Variants in PTPRD observed in about 807,000 individuals in gnomAD.
PTPRD encodes protein tyrosine phosphatase receptor type D, also known as receptor-type tyrosine-protein phosphatase delta.
Under a neutral mutation model 214.5 loss-of-function variants are expected in PTPRD, and 34 were observed. The observed-to-expected ratio is 0.16, with a 90% confidence interval of 0.12 to 0.21. The LOEUF (loss-of-function observed/expected upper bound fraction) is 0.21, where lower values mean the gene tolerates loss of function less well. Ranked by LOEUF, PTPRD falls within the 10% of genes least tolerant of loss-of-function variation. The probability of loss-of-function intolerance (pLI) is 1.00; values close to 1 mark genes in which losing one functional copy is unlikely to be tolerated. For synonymous variants in PTPRD, 1,128 were observed against 845.7 expected (o/e 1.33, Z -5.79); for missense variants, 2,545 against 2,398.7 (o/e 1.06, Z -1.27).
chr9:10,007,648 T>C (rs1259674354), intron 4 of PTPRD, among the ~76,000 whole-genome samples: 1 of 151,972 alleles, frequency 6.6e-6, no homozygotes, highest in African/African-American at 2.4e-5. Context: ...GAGAGAAATA[T>C]GAGAGAGGCA....
At chr9:9,779,604 A>T (rs942386884) in intron 5 of PTPRD, among the ~76,000 whole-genome samples, 7 of 152,334 alleles carry the variant, frequency 4.6e-5, no homozygotes, top group South Asian at 4.1e-4. Context: ...TATATAAAAA[A>T]TGCTCAACAT....
At chr9:10,428,297 ACT>A (rs2098643782) in intron 2 of PTPRD, among the ~76,000 whole-genome samples, 2 of 151,832 alleles carry the variant, frequency 1.3e-5, no homozygotes, top group South Asian at 4.2e-4. Flanking sequence ...ACAGAGCAAG[ACT>A]CTGTCTTGGG....
At chr9:10,273,765 C>G (rs1257490931) in intron 3 of PTPRD, among the ~76,000 whole-genome samples, 1 of 152,052 alleles carries the variant, frequency 6.6e-6, no homozygotes, top group Non-Finnish European at 1.5e-5. Context: ...TTAAATGTCA[C>G]AGTGTAGACT....
chr9:10,296,054 T>C (rs1339133990), intron 3 of PTPRD, among the ~76,000 whole-genome samples: 2 of 151,984 alleles, frequency 1.3e-5, no homozygotes, highest in Admixed American at 6.6e-5. Context: ...ACACAACTAT[T>C]TATCACCACT....
intron 2 of PTPRD, among the ~76,000 whole-genome samples, chr9:10,422,459 G>T (rs2098554280): frequency 6.6e-6 from 1 of 151,908 alleles, no homozygotes; most frequent in Non-Finnish European, 1.5e-5. Flanking sequence ...ATAGACAAAT[G>T]GGATCTAATT....
At chr9:10,156,189 T>C (rs2099092282) in intron 3 of PTPRD, among the ~76,000 whole-genome samples, 1 of 151,644 alleles carries the variant, frequency 6.6e-6, no homozygotes, top group Admixed American at 6.6e-5. Flanking sequence ...TTGGCATTGG[T>C]TTACTCTTGG....
chr9:9,531,254 C>T lies in PTPRD; in HGVS notation c.-237+43478G>A, dbSNP rs141486573. On this transcript the variant is annotated intron_variant, in intron 8 of 45. Transcript: ENST00000381196. The stretch of plus-strand genomic sequence containing the variant: ...GCACTAAAAAGGACTGCCTTACTTA[C>T]GGGTTCATATGACAACATGGATGAG... 1.3e-3 allele frequency among the ~76,000 whole-genome samples: 195 copies of T among 152,154 alleles called. 2 individuals are homozygous for T. The highest frequency in any genetic ancestry group is 1.4e-3 in the Non-Finnish European group (96 of 68,000).
chr9:9,165,396 A>T (rs1188062316), intron 10 of PTPRD, among the ~76,000 whole-genome samples: 1 of 152,226 alleles, frequency 6.6e-6, no homozygotes, highest in African/African-American at 2.4e-5. Context: ...GGAGAAACAA[A>T]GTCAGATGAG....
chr9:10,606,474 T>C (rs1010551632), intron 2 of PTPRD, among the ~76,000 whole-genome samples: 9 of 151,656 alleles, frequency 5.9e-5, no homozygotes, highest in African/African-American at 1.9e-4. Flanking sequence ...TTTTCGTAAG[T>C]GGCCTACACT....
intron 8 of PTPRD, among the ~76,000 whole-genome samples, chr9:9,535,349 T>C (rs976248343): frequency 3.3e-5 from 5 of 152,240 alleles, no homozygotes; most frequent in African/African-American, 1.2e-4. Flanking sequence ...AGTGTTAAAC[T>C]TGATCAAGTG....
chr9:9,891,318 G>T (rs928554239), intron 5 of PTPRD, among the ~76,000 whole-genome samples: 1 of 149,976 alleles, frequency 6.7e-6, no homozygotes, highest in Admixed American at 6.6e-5. Context: ...AATAATTAAA[G>T]AATACCAAAG....
chr9:8,501,683 AT>A (rs539705834), intron 23 of PTPRD, among the ~76,000 whole-genome samples: 3 of 152,196 alleles, frequency 2.0e-5, no homozygotes, highest in Non-Finnish European at 2.9e-5. Flanking sequence ...AATAAAAAAA[AT>A]GTTAACATTG....
intron 9 of PTPRD, among the ~76,000 whole-genome samples, chr9:9,215,902 A>G (rs1435075717): frequency 6.6e-6 from 1 of 152,206 alleles, no homozygotes; most frequent in Non-Finnish European, 1.5e-5. Context: ...ACAGATTAGT[A>G]AATGGACAAG....
In PTPRD at chr9:8,779,688, A is replaced by C. The variant is rs148260377; in HGVS notation, c.-103-45742T>G. Among the ~76,000 whole-genome samples the C allele has an allele frequency of 2.8e-3, 433 of 152,260 alleles. 2 individuals are homozygous for C. Among genetic ancestry groups the C allele is most frequent in the Middle Eastern group, 0.017 (5 of 294 alleles). The stretch of plus-strand genomic sequence containing the variant: ...AAGCTTTCCTTTTAATCAGCACGGT[A>C]AACAAGCTTCTATGCCTCAGGCTGG... On this transcript the variant is annotated intron_variant, in intron 11 of 45. Transcript: ENST00000381196.
At chr9:9,205,199 C>T (rs931545663) in intron 9 of PTPRD, among the ~76,000 whole-genome samples, 1 of 152,050 alleles carries the variant, frequency 6.6e-6, no homozygotes, top group African/African-American at 2.4e-5. Context: ...AGGAAGAATC[C>T]TTGTTGTTTT....
At chr9:9,304,241 G>A (rs919912060) in intron 9 of PTPRD, among the ~76,000 whole-genome samples, 3 of 151,942 alleles carry the variant, frequency 2.0e-5, no homozygotes. Flanking sequence ...GATTGTTATG[G>A]GAAAAAGAAA....
At chr9:8,337,342 G>A (rs1847924735) in intron 43 of PTPRD, among the ~76,000 whole-genome samples, 1 of 152,004 alleles carries the variant, frequency 6.6e-6, no homozygotes, top group African/African-American at 2.4e-5. Context: ...ATCATTCTCA[G>A]CAAACTAACA....
At chr9:10,321,917 C>T (rs1565281501) in intron 3 of PTPRD, among the ~76,000 whole-genome samples, 1 of 151,712 alleles carries the variant, frequency 6.6e-6, no homozygotes, top group Non-Finnish European at 1.5e-5. Context: ...ATGAATGTGT[C>T]AAAAAAGCCA....
intron 9 of PTPRD, among the ~76,000 whole-genome samples, chr9:9,372,536 C>T (rs545414222): frequency 1.3e-5 from 2 of 152,178 alleles, no homozygotes; most frequent in South Asian, 4.2e-4. Context: ...TTCCTGAATA[C>T]AGCACACTGA....
Sources: allele counts gnomAD v4.1 joint callset (sites outside exome capture counted in the v4.1 genomes callset), GRCh38; gene constraint gnomAD v4.1.1; transcripts MANE v1.5; gene names NCBI Gene and HGNC (gene_info 2026-07-23, HGNC 2026-07-21).